FBXL7: variants seen among roughly 807,000 people sequenced by gnomAD.
FBXL7 encodes the protein F-box/LRR-repeat protein 7.
Under a neutral mutation model 38.3 loss-of-function variants are expected in FBXL7, and 12 were observed. That is an observed-to-expected ratio of 0.31 (90% CI 0.20 to 0.51). The LOEUF is 0.51. FBXL7 is among the 20% of genes least tolerant of loss of function. The probability of loss-of-function intolerance (pLI) is 0.98; values close to 1 mark genes in which losing one functional copy is unlikely to be tolerated. For synonymous variants in FBXL7, 297 were observed against 300.9 expected (o/e 0.99, Z 0.13); for missense variants, 567 against 676.4 (o/e 0.84, Z 1.79).
intron 1 of FBXL7, among the ~76,000 whole-genome samples, chr5:15,526,904 T>C (rs1031148535): frequency 3.9e-5 from 6 of 152,234 alleles, no homozygotes; most frequent in African/African-American, 1.4e-4. Context: ...TTGAAACTGT[T>C]GTAAACTTCC....
intron 2 of FBXL7, among the ~76,000 whole-genome samples, chr5:15,700,928 G>C (rs1351030136): frequency 6.6e-6 from 1 of 151,962 alleles, no homozygotes; most frequent in Non-Finnish European, 1.5e-5. Context: ...ATATTCTTAA[G>C]TCGGGTACAT....
intron 2 of FBXL7, among the ~76,000 whole-genome samples, chr5:15,664,859 T>G (rs1742215990): frequency 1.0e-5 from 1 of 97,734 alleles, no homozygotes; most frequent in Admixed American, 1.4e-4. Flanking sequence ...TGGCCTTTGG[T>G]AGTAAATTTT....
chr5:15,525,390 G>T (rs188017461), intron 1 of FBXL7, among the ~76,000 whole-genome samples: 8 of 152,228 alleles, frequency 5.3e-5, no homozygotes, highest in Admixed American at 5.2e-4. Flanking sequence ...CCCTAACAAT[G>T]GTTTCGTTTT....
At chr5:15,694,956 T>C (rs1468339451) in intron 2 of FBXL7, among the ~76,000 whole-genome samples, 1 of 152,122 alleles carries the variant, frequency 6.6e-6, no homozygotes, top group Non-Finnish European at 1.5e-5. Context: ...ATGCCTGCTA[T>C]AAAAATGTGA....
At chr5:15,696,053 C>G (rs1001856293) in intron 2 of FBXL7, among the ~76,000 whole-genome samples, 1 of 152,186 alleles carries the variant, frequency 6.6e-6, no homozygotes, top group African/African-American at 2.4e-5. Context: ...GTTCCCTTTG[C>G]TACTTTTTGT....
intron 1 of FBXL7, among the ~76,000 whole-genome samples, chr5:15,571,523 A>G (rs1259961711): frequency 6.6e-6 from 1 of 152,194 alleles, no homozygotes. Context: ...GTAAACTAAA[A>G]TGATTTGACC....
chr5:15,916,551 G>A (rs995532835), intron 2 of FBXL7, among the ~76,000 whole-genome samples: 1 of 152,104 alleles, frequency 6.6e-6, no homozygotes, highest in East Asian at 1.9e-4. Context: ...AGTGAGCAAA[G>A]GACACCTGAG....
At chr5:15,801,877 C>T (rs1421962251) in intron 2 of FBXL7, among the ~76,000 whole-genome samples, 3 of 152,044 alleles carry the variant, frequency 2.0e-5, no homozygotes, top group Admixed American at 1.3e-4. Context: ...TAGTACTCTA[C>T]TGCATTTGAT....
intron 2 of FBXL7, among the ~76,000 whole-genome samples, chr5:15,620,985 A>T (rs887531242): frequency 6.6e-6 from 1 of 152,160 alleles, no homozygotes; most frequent in Non-Finnish European, 1.5e-5. Context: ...TGACTTTATG[A>T]TCTTCCTGTC....
intron 1 of FBXL7, among the ~76,000 whole-genome samples, chr5:15,525,573 C>T (rs551246409): frequency 1.8e-4 from 27 of 151,942 alleles, no homozygotes; most frequent in Non-Finnish European, 2.9e-4. Context: ...CAGGATAGGG[C>T]TTTTTCCTCC....
chr5:15,826,859 C>T lies in FBXL7; in HGVS notation c.128-101031C>T, dbSNP rs147115799. 4.3e-3 allele frequency among the ~76,000 whole-genome samples: 660 copies of T among 151,776 alleles called. 2 individuals are homozygous for T. The highest frequency in any genetic ancestry group is 0.015 in the African/African-American group (626 of 41,416). Reference sequence around the variant, plus strand: ...TGAAATAACAGAGTAAAACTGTGCTCCTTCTCGTAGTCTCCTGACATTGCA... The same window carrying T: ...TGAAATAACAGAGTAAAACTGTGCTTCTTCTCGTAGTCTCCTGACATTGCA... On this transcript the variant is annotated intron_variant, in intron 2 of 3. Transcript: ENST00000504595.
chr5:15,839,572 G>C (rs895523026), intron 2 of FBXL7, among the ~76,000 whole-genome samples: 1 of 151,856 alleles, frequency 6.6e-6, no homozygotes, highest in African/African-American at 2.4e-5. Flanking sequence ...TCATTCTAAT[G>C]AATGGTGAAA....
chr5:15,601,854 T>C (rs1739805272), intron 1 of FBXL7, among the ~76,000 whole-genome samples: 1 of 152,246 alleles, frequency 6.6e-6, no homozygotes, highest in Admixed American at 6.5e-5. Context: ...CCACAATGTA[T>C]GTCCCTCCTG....
At chr5:15,851,770 A>G (rs1174358765) in intron 2 of FBXL7, among the ~76,000 whole-genome samples, 1 of 151,656 alleles carries the variant, frequency 6.6e-6, no homozygotes, top group Non-Finnish European at 1.5e-5. Flanking sequence ...TGCTATTCTC[A>G]CGCAAATAAA....
intron 2 of FBXL7, among the ~76,000 whole-genome samples, chr5:15,626,259 G>A (rs1740813968): frequency 6.6e-6 from 1 of 152,058 alleles, no homozygotes. Flanking sequence ...GGTAACTTTT[G>A]AAAAACTGCA....
chr5:15,915,936 G>A (rs1270313086), intron 2 of FBXL7, among the ~76,000 whole-genome samples: 2 of 152,174 alleles, frequency 1.3e-5, no homozygotes, highest in Admixed American at 1.3e-4. Flanking sequence ...CTTGGGGACT[G>A]ATTAGATATA....
chr5:15,644,749 G>C (rs1340838474), intron 2 of FBXL7, among the ~76,000 whole-genome samples: 1 of 152,086 alleles, frequency 6.6e-6, no homozygotes, highest in Non-Finnish European at 1.5e-5. Context: ...CTCACTGTAT[G>C]GTTTTCAGAT....
rs539237547 is a variant in FBXL7, at chr5:15,664,186, CTACTTTCAGA to C, written c.127+48117_127+48126del. On this transcript the variant is annotated intron_variant, in intron 2 of 3. Coordinates refer to ENST00000504595, the MANE Select transcript of FBXL7 (RefSeq NM_012304.5). Reference sequence around the variant, plus strand: ...GTATACATAATTAGCTTACCACCATCTACTTTCAGATAGTATTATAAGATTTTACCTTATA... The same window carrying C: ...GTATACATAATTAGCTTACCACCATCTAGTATTATAAGATTTTACCTTATA... Among the ~76,000 whole-genome samples the C allele has an allele frequency of 2.1e-4, 32 of 152,246 alleles. No individual in the cohort carries two copies. In the South Asian group the frequency reaches 5.4e-3, roughly 26 times the overall value.
intron 1 of FBXL7, among the ~76,000 whole-genome samples, chr5:15,579,497 C>T (rs1561036516): frequency 6.6e-6 from 1 of 152,174 alleles, no homozygotes; most frequent in South Asian, 2.1e-4. Context: ...ACAGATGCTT[C>T]CCTCAACTAA....
Sources: allele counts gnomAD v4.1 joint callset (sites outside exome capture counted in the v4.1 genomes callset), GRCh38; gene constraint gnomAD v4.1.1; transcripts MANE v1.5; gene names NCBI Gene and HGNC (gene_info 2026-07-23, HGNC 2026-07-21).